The following MTHFD2L variants were observed in gnomAD, a reference collection of about 807,000 sequenced individuals.
The protein encoded by MTHFD2L is methylenetetrahydrofolate dehydrogenase (NADP+ dependent) 2 like.
Under a neutral mutation model 34.9 loss-of-function variants are expected in MTHFD2L, and 29 were observed. The observed-to-expected ratio is 0.83, with a 90% CI of 0.62 to 1.13. The LOEUF is 1.13. Among genes scored for constraint, MTHFD2L ranks in the 50% most tolerant of loss-of-function variants. MTHFD2L has a pLI of 0.00. For missense variants in MTHFD2L, 481 were observed against 446.5 expected (o/e 1.08, Z -0.70); for synonymous variants, 167 against 155.7 (o/e 1.07, Z -0.54).
At chr4:74,266,327 G>T (rs772876566) in intron 6 of MTHFD2L, among the ~76,000 whole-genome samples, 4 of 152,098 alleles carry the variant, frequency 2.6e-5, no homozygotes, top group Non-Finnish European at 5.9e-5. Flanking sequence ...ACATGCACTT[G>T]CAGAAGTGCT....
At chr4:74,182,021 A>G (rs963504557) in intron 3 of MTHFD2L, among the ~76,000 whole-genome samples, 1 of 152,066 alleles carries the variant, frequency 6.6e-6, no homozygotes, top group African/African-American at 2.4e-5. Context: ...ATGTTTGACC[A>G]GAGTGGGAAT....
chr4:74,191,773 G>T (rs908969953), intron 3 of MTHFD2L, among the ~76,000 whole-genome samples: 2 of 151,874 alleles, frequency 1.3e-5, no homozygotes, highest in Admixed American at 6.6e-5. Context: ...TGGCCAGGCT[G>T]GTCTCAAACT....
intron 1 of MTHFD2L, among the ~76,000 whole-genome samples, chr4:74,132,947 T>C (rs928869326): frequency 2.0e-5 from 3 of 152,204 alleles, no homozygotes; most frequent in African/African-American, 7.2e-5. Flanking sequence ...TATTCTGGGG[T>C]TGTGTTCATA....
chr4:74,280,048 T>G (rs1747229894), intron 6 of MTHFD2L, among the ~76,000 whole-genome samples: 1 of 152,078 alleles, frequency 6.6e-6, no homozygotes, highest in African/African-American at 2.4e-5. Flanking sequence ...ATGCAGTGGA[T>G]AGGCTTTTCC....
At chr4:74,148,112 G>A (rs1723707368) in intron 1 of MTHFD2L, among the ~76,000 whole-genome samples, 1 of 151,916 alleles carries the variant, frequency 6.6e-6, no homozygotes, top group Non-Finnish European at 1.5e-5. Flanking sequence ...ACCATTTATT[G>A]AAAAGACTAC....
chr4:74,207,766 CTTTTT>C (rs768932793), intron 5 of MTHFD2L, among the ~76,000 whole-genome samples: 1 of 128,470 alleles, frequency 7.8e-6, no homozygotes, highest in Non-Finnish European at 1.6e-5. Context: ...TGAAAAAGAA[CTTTTT>C]TTTTTTTTTT....
chr4:74,245,381 TTA>T (rs1310702636), intron 6 of MTHFD2L, among the ~76,000 whole-genome samples: 21 of 151,956 alleles, frequency 1.4e-4, no homozygotes, highest in Non-Finnish European at 2.8e-4. Flanking sequence ...AAATAAACAT[TTA>T]ATTCATCAAT....
intron 6 of MTHFD2L, among the ~76,000 whole-genome samples, chr4:74,275,008 A>G (rs1746432407): frequency 1.3e-5 from 2 of 152,166 alleles, no homozygotes; most frequent in Admixed American, 1.3e-4. Context: ...TTTATTACAT[A>G]GGTATCCGTA....
chr4:74,171,317 A>G (rs1047566554), intron 1 of MTHFD2L, among the ~76,000 whole-genome samples: 8 of 152,178 alleles, frequency 5.3e-5, no homozygotes, highest in African/African-American at 9.7e-5. Flanking sequence ...GTCCACTAAA[A>G]TGTCAACAGT....
At chr4:74,246,042 G>A (rs1742390564) in intron 6 of MTHFD2L, among the ~76,000 whole-genome samples, 2 of 145,776 alleles carry the variant, frequency 1.4e-5, no homozygotes, top group South Asian at 4.4e-4. Context: ...AGATCCCTGA[G>A]GAATCACCAC....
chr4:74,290,728 A>C (rs1319333559), intron 7 of MTHFD2L, among the ~76,000 whole-genome samples: 1 of 151,938 alleles, frequency 6.6e-6, no homozygotes, highest in Admixed American at 6.6e-5. Flanking sequence ...AGAAGTATAC[A>C]ACTTCACGCT....
chr4:74,267,649 G>A, intron 6 of MTHFD2L: 2 of 849,962 alleles, frequency 2.4e-6, no homozygotes, highest in Non-Finnish European at 2.8e-6. Flanking sequence ...TGCCCAGGCT[G>A]GTTTTGAACT....
chr4:74,143,461 CT>C (rs1376008427), intron 1 of MTHFD2L: 1 of 984,874 alleles, frequency 1.0e-6, no homozygotes, highest in Non-Finnish European at 1.2e-6. Context: ...TGGAAGGGTC[CT>C]AGAGGGTATG....
chr4:74,235,160 A>G (rs984591885), intron 6 of MTHFD2L, among the ~76,000 whole-genome samples: 4 of 152,176 alleles, frequency 2.6e-5, no homozygotes, highest in Non-Finnish European at 4.4e-5. Context: ...TGTAGGTCAT[A>G]GGCAACCTTT....
At chr4:74,268,423 T>A (rs1309010454) in intron 6 of MTHFD2L, among the ~76,000 whole-genome samples, 2 of 151,968 alleles carry the variant, frequency 1.3e-5, no homozygotes, top group Non-Finnish European at 2.9e-5. Flanking sequence ...AGTTCTGGTT[T>A]TGTTCCCAGC....
intron 5 of MTHFD2L, among the ~76,000 whole-genome samples, chr4:74,216,704 A>G (rs1332243799): frequency 6.6e-6 from 1 of 151,784 alleles, no homozygotes; most frequent in East Asian, 1.9e-4. Flanking sequence ...GAGTGGTACC[A>G]TCAGTTTTTC....
At chr4:74,185,151 CAAAAAAAA>C (rs1169021073) in intron 3 of MTHFD2L, among the ~76,000 whole-genome samples, 2 of 15,982 alleles carry the variant, frequency 1.3e-4, no homozygotes. Flanking sequence ...GACTCCATCT[CAAAAAAAA>C]AAAAAAAAAA....
chr4:74,237,186 A>C (rs184106988), intron 6 of MTHFD2L, among the ~76,000 whole-genome samples: 166 of 152,332 alleles, frequency 1.1e-3, no homozygotes, highest in African/African-American at 4.0e-3. Flanking sequence ...AGTAGGGAAT[A>C]GTAAGAATTA....
intron 6 of MTHFD2L, among the ~76,000 whole-genome samples, chr4:74,250,260 A>G (rs1743114835): frequency 6.6e-6 from 1 of 152,214 alleles, no homozygotes; most frequent in Non-Finnish European, 1.5e-5. Context: ...TTCTGAAACA[A>G]AAAAGTTTGA....
Sources: allele counts gnomAD v4.1 joint callset (sites outside exome capture counted in the v4.1 genomes callset), GRCh38; gene constraint gnomAD v4.1.1; transcripts MANE v1.5; gene names NCBI Gene and HGNC (gene_info 2026-07-23, HGNC 2026-07-21).